The following RSRC1 variants were observed in gnomAD, a reference collection of about 807,000 sequenced individuals.
The protein encoded by RSRC1 is serine/Arginine-related protein 53.
A neutral mutation model predicts 49.1 loss-of-function variants in RSRC1; 39 were observed. That is an observed-to-expected ratio of 0.79 (90% CI 0.61 to 1.04). The LOEUF (loss-of-function observed/expected upper bound fraction) is 1.04, where lower values mean the gene tolerates loss of function less well. RSRC1 is among the 50% of genes least tolerant of loss of function. The probability of loss-of-function intolerance (pLI) is 0.00; values close to 1 mark genes in which losing one functional copy is unlikely to be tolerated. For missense variants in RSRC1, 388 were observed against 402.4 expected, an observed-to-expected ratio of 0.96 and a Z score of 0.31; for synonymous variants, 143 against 130.8, an observed-to-expected ratio of 1.09 and a Z score of -0.63.
chr3:158,439,678 A>AG (rs1433961751), intron 6 of RSRC1, among the ~76,000 whole-genome samples: 1 of 152,228 alleles, frequency 6.6e-6, no homozygotes, highest in Non-Finnish European at 1.5e-5. Flanking sequence ...GTGGGGGGCT[A>AG]GGAGAGGGAT....
chr3:158,351,485 T>C (rs929704187), intron 5 of RSRC1, among the ~76,000 whole-genome samples: 2 of 152,224 alleles, frequency 1.3e-5, no homozygotes, highest in Non-Finnish European at 2.9e-5. Flanking sequence ...TATATCCCCA[T>C]AGTTGGAGTT....
chr3:158,329,620 G>A (rs371691725), intron 5 of RSRC1, among the ~76,000 whole-genome samples: 5 of 152,184 alleles, frequency 3.3e-5, no homozygotes, highest in Admixed American at 6.5e-5. Flanking sequence ...AGGGGTACCC[G>A]GCTGTGTGAG....
intron 7 of RSRC1, among the ~76,000 whole-genome samples, chr3:158,518,815 T>C (rs763813474): frequency 9.2e-5 from 14 of 152,196 alleles, no homozygotes; most frequent in African/African-American, 1.2e-4. Context: ...GTACTGAATC[T>C]GGTTTTTCTA....
At chr3:158,130,338 A>G (rs1310497711) in intron 3 of RSRC1, among the ~76,000 whole-genome samples, 1 of 152,218 alleles carries the variant, frequency 6.6e-6, no homozygotes, top group Non-Finnish European at 1.5e-5. Flanking sequence ...CATTCAGTCT[A>G]TAGCATACAT....
At chr3:158,155,160 A>G (rs534021674) in intron 3 of RSRC1, among the ~76,000 whole-genome samples, 1 of 152,300 alleles carries the variant, frequency 6.6e-6, no homozygotes, top group East Asian at 1.9e-4. Context: ...CCTGTGAATC[A>G]GAAATGTTCT....
At chr3:158,410,139 G>C (rs1417229679) in intron 6 of RSRC1, among the ~76,000 whole-genome samples, 1 of 151,974 alleles carries the variant, frequency 6.6e-6, no homozygotes, top group African/African-American at 2.4e-5. Context: ...AATTTTCTTT[G>C]TTCATTTGTT....
intron 7 of RSRC1, among the ~76,000 whole-genome samples, chr3:158,499,456 G>GTAGATTGCT (rs1739496546): frequency 1.3e-5 from 2 of 152,032 alleles, no homozygotes; most frequent in African/African-American, 4.8e-5. Flanking sequence ...CACTGAATTT[G>GTAGATTGCT]TAGATTGCTT....
intron 3 of RSRC1, among the ~76,000 whole-genome samples, chr3:158,142,132 C>T (rs1716787458): frequency 6.6e-6 from 1 of 152,086 alleles, no homozygotes; most frequent in African/African-American, 2.4e-5. Context: ...AAGATTTCTC[C>T]TACCATGAGG....
At chr3:158,260,387 G>T (rs1724822457) in intron 4 of RSRC1, among the ~76,000 whole-genome samples, 1 of 152,150 alleles carries the variant, frequency 6.6e-6, no homozygotes, top group African/African-American at 2.4e-5. Flanking sequence ...GGGGCCTCAG[G>T]ATTCTGCCTG....
chr3:158,543,582 T>C (rs1713159285), intron 9 of RSRC1, 95 bp downstream of exon 9: 2 of 1,301,312 alleles, frequency 1.5e-6, no homozygotes, highest in South Asian at 1.6e-5. Flanking sequence ...AAGGAGACCA[T>C]TGGAGGAAAC....
chr3:158,354,942 G>T (rs1183684979), intron 6 of RSRC1, 34 bp downstream of exon 6: 2 of 1,435,468 alleles, frequency 1.4e-6, no homozygotes, highest in Non-Finnish European at 1.9e-6. Context: ...ATTAAATGAA[G>T]AAGTGACGAG....
chr3:158,481,003 A>C (rs911728249), intron 7 of RSRC1, among the ~76,000 whole-genome samples: 4 of 152,094 alleles, frequency 2.6e-5, no homozygotes, highest in African/African-American at 7.2e-5. Flanking sequence ...AGAACATGAA[A>C]GGAAGGACAA....
chr3:158,478,040 CAG>C (rs1169470812), intron 7 of RSRC1, among the ~76,000 whole-genome samples: 1 of 150,820 alleles, frequency 6.6e-6, no homozygotes, highest in African/African-American at 2.4e-5. Flanking sequence ...GCCTAGACGA[CAG>C]AGTGAAACCC....
At chr3:158,449,326 G>A (rs987728937) in intron 6 of RSRC1, among the ~76,000 whole-genome samples, 6 of 151,884 alleles carry the variant, frequency 4.0e-5, no homozygotes, top group Non-Finnish European at 8.8e-5. Context: ...TGAAACCATT[G>A]TACTAGATTA....
chr3:158,150,066 T>C (rs1461575993), intron 3 of RSRC1, among the ~76,000 whole-genome samples: 1 of 152,232 alleles, frequency 6.6e-6, no homozygotes, highest in Admixed American at 6.5e-5. Context: ...ATGTAAACTT[T>C]TTTGTTCCAA....
chr3:158,148,367 G>A (rs1051473489), intron 3 of RSRC1, among the ~76,000 whole-genome samples: 4 of 22,214 alleles, frequency 1.8e-4, no homozygotes, highest in East Asian at 2.1e-3. Flanking sequence ...GTGTGTGTGC[G>A]TGTGTGTGTG....
At chr3:158,252,730 G>A (rs184266942) in intron 4 of RSRC1, among the ~76,000 whole-genome samples, 20 of 152,224 alleles carry the variant, frequency 1.3e-4, no homozygotes, top group South Asian at 2.1e-4. Context: ...TTTCTTTACC[G>A]GGAGACTTTT....
chr3:158,492,280 T>TA (rs1739117291), intron 7 of RSRC1, among the ~76,000 whole-genome samples: 1 of 152,196 alleles, frequency 6.6e-6, no homozygotes, highest in Non-Finnish European at 1.5e-5. Context: ...AAAATGAGAT[T>TA]CAGGTGGGGA....
intron 6 of RSRC1, among the ~76,000 whole-genome samples, chr3:158,431,529 A>T (rs1242705340): frequency 6.6e-6 from 1 of 151,934 alleles, no homozygotes; most frequent in Admixed American, 6.6e-5. Context: ...ACTGCTTATA[A>T]TGAAGACGTG....
Sources: gnomAD v4.1 joint callset for allele counts (sites outside exome capture counted in the v4.1 genomes callset) on GRCh38, gnomAD v4.1.1 for gene constraint, MANE v1.5 for transcripts, NCBI Gene and HGNC (gene_info 2026-07-23, HGNC 2026-07-21) for gene names.